The following DMD variants were observed in gnomAD, a reference collection of about 807,000 sequenced individuals.
The protein encoded by DMD is mutant dystrophin.
DMD carries 63 observed loss-of-function variants against 330.1 expected under a neutral mutation model. The ratio of observed to expected loss-of-function variants is 0.19; its 90% CI spans 0.16 to 0.24. The LOEUF (loss-of-function observed/expected upper bound fraction) is 0.24. DMD is among the 10% of genes least tolerant of loss of function. The pLI, the probability that DMD is intolerant of heterozygous loss-of-function variation, is 1.00. For synonymous variants in DMD, 1,223 were observed against 959.8 expected (o/e 1.27, Z -5.07); for missense variants, 3,344 against 2,684.1 (o/e 1.25, Z -5.43).
intron 44 of DMD, among the ~76,000 whole-genome samples, chrX:32,183,541 C>G (rs1205502762): frequency 1.1e-5 from 1 of 92,073 alleles, no homozygotes; most frequent in Non-Finnish European, 2.1e-5. Context: ...TACACACATG[C>G]ACAGCTACAC....
chrX:31,949,829 C>A (rs2095136797), intron 45 of DMD, among the ~76,000 whole-genome samples: 1 of 110,188 alleles, frequency 9.1e-6, no homozygotes, highest in Non-Finnish European at 1.9e-5. Flanking sequence ...ACATTCTAGT[C>A]TTTCTAATTT....
Position 31,920,746 on chromosome X carries a change from G to A in DMD, c.6912+8850C>T, listed in dbSNP as rs766162350. Among the ~76,000 whole-genome samples, 3 of 111,804 alleles carry A rather than the reference G, an allele frequency of 2.7e-5. No individual in the cohort carries two copies. The South Asian group carries it at 1.1e-3, about 42-fold the overall frequency. On this transcript the variant is annotated intron_variant, in intron 47 of 78. Transcript: ENST00000357033. ...TTTTAAATCCATCATGAACGGGGAG[G>A]AGAGATTGCTAAGAATAGTCGAATT...
chrX:31,161,789 C>G (rs756072936), intron 74 of DMD, among the ~76,000 whole-genome samples: 2 of 111,486 alleles, frequency 1.8e-5, no homozygotes, highest in East Asian at 2.8e-4. Flanking sequence ...ATCCTCCCCC[C>G]CGTCAAAAAG....
At chrX:32,070,851 A>G (rs180997894) in intron 44 of DMD, among the ~76,000 whole-genome samples, 1 of 110,968 alleles carries the variant, frequency 9.0e-6, no homozygotes, top group African/African-American at 3.3e-5. Flanking sequence ...GACAAAAGAT[A>G]ACATATATGG....
intron 12 of DMD, among the ~76,000 whole-genome samples, chrX:32,608,135 AAAT>A (rs1268723454): frequency 9.1e-6 from 1 of 110,357 alleles, no homozygotes; most frequent in Non-Finnish European, 1.9e-5. Context: ...CTAATAAAGT[AAAT>A]AATAATCTGA....
chrX:32,675,327 G>C (rs2061896590), intron 9 of DMD, among the ~76,000 whole-genome samples: 1 of 111,100 alleles, frequency 9.0e-6, no homozygotes, highest in African/African-American at 3.3e-5. Flanking sequence ...ACTCCTGAAA[G>C]AGATGGTAAT....
chrX:31,362,730 G>T (rs892545001), intron 60 of DMD, among the ~76,000 whole-genome samples: 16 of 112,925 alleles, frequency 1.4e-4, no homozygotes, highest in African/African-American at 5.1e-4. Flanking sequence ...GGATCACGAG[G>T]TCAGGAGATC....
intron 3 of DMD, among the ~76,000 whole-genome samples, chrX:32,845,754 C>A (rs144829645): frequency 8.9e-6 from 1 of 112,194 alleles, no homozygotes; most frequent in African/African-American, 3.2e-5. Context: ...ATTGTCAGCT[C>A]TGCTGTTTTT....
At chrX:31,230,952 A>T (rs1008252027) in intron 63 of DMD, among the ~76,000 whole-genome samples, 7 of 111,566 alleles carry the variant, frequency 6.3e-5, no homozygotes, top group Non-Finnish European at 1.1e-4. Flanking sequence ...TTTGTTGAGA[A>T]AGCAGTTTCT....
intron 1 of DMD, among the ~76,000 whole-genome samples, chrX:33,252,044 A>C: frequency 8.9e-6 from 1 of 112,294 alleles, no homozygotes; most frequent in Non-Finnish European, 1.9e-5. Flanking sequence ...ATGTTAGTAT[A>C]TAATCTCTGA....
chrX:32,953,060 A>G (rs985185271), intron 2 of DMD, among the ~76,000 whole-genome samples: 2 of 106,222 alleles, frequency 1.9e-5, no homozygotes, highest in African/African-American at 6.9e-5. Context: ...ACTTGAACCC[A>G]GGAGATGGAG....
At chrX:32,392,445 C>T (rs1021948169) in intron 30 of DMD, among the ~76,000 whole-genome samples, 3 of 110,499 alleles carry the variant, frequency 2.7e-5, no homozygotes, top group Non-Finnish European at 3.8e-5. Flanking sequence ...TTTTTAGTAG[C>T]GACAGGGTTT....
At chrX:31,231,558 G>A (rs952392649) in intron 63 of DMD, among the ~76,000 whole-genome samples, 6 of 112,323 alleles carry the variant, frequency 5.3e-5, no homozygotes, top group African/African-American at 1.9e-4. Context: ...ACTTTGCAGT[G>A]TAGCGAAGGA....
At chrX:32,615,820 T>C (rs1214649429) in intron 11 of DMD, among the ~76,000 whole-genome samples, 1 of 111,948 alleles carries the variant, frequency 8.9e-6, no homozygotes, top group Non-Finnish European at 1.9e-5. Context: ...CATCTTATGT[T>C]ATTATGGAAC....
chrX:32,281,643 A>AC (rs1388207526), intron 43 of DMD, among the ~76,000 whole-genome samples: 1 of 111,599 alleles, frequency 9.0e-6, no homozygotes, highest in African/African-American at 3.3e-5. Flanking sequence ...AAAGTGCCTA[A>AC]TTTTTTAGTT....
chrX:32,257,939 G>A (rs977555637), intron 43 of DMD, among the ~76,000 whole-genome samples: 7 of 106,590 alleles, frequency 6.6e-5, no homozygotes, highest in Admixed American at 2.0e-4. Context: ...GCTAATACCC[G>A]GAATCTATAA....
rs200393987 is a variant in DMD at position 31,902,442 on chromosome X, AT to A, written c.6913-27070del. Among the ~76,000 whole-genome samples, 391 of 111,775 alleles carry A rather than the reference AT, an allele frequency of 3.5e-3. 3 individuals are homozygous for A. The highest frequency in any genetic ancestry group is 9.5e-3 in the Admixed American group (99 of 10,457). On this transcript the variant is annotated intron_variant, in intron 47 of 78. Transcript: ENST00000357033. The stretch of plus-strand genomic sequence containing the variant: ...CAAAGAAAGACAAGATCCACCTCCT[AT>A]AACTTCTGTGACTCAAATGAGCTAA...
intron 73 of DMD, 40 bp downstream of exon 73, chrX:31,172,308 A>C: frequency 1.0e-6 from 1 of 994,958 alleles, no homozygotes; most frequent in East Asian, 3.1e-5. Flanking sequence ...AAGCAATTTC[A>C]TTGTCAGGAA....
At chrX:31,726,884 A>T (rs891971859) in intron 52 of DMD, among the ~76,000 whole-genome samples, 4 of 111,979 alleles carry the variant, frequency 3.6e-5, no homozygotes, top group Admixed American at 1.9e-4. Flanking sequence ...GCAAATATTC[A>T]TAAAGGTATT....
Sources: allele counts gnomAD v4.1 joint callset (sites outside exome capture counted in the v4.1 genomes callset), GRCh38; gene constraint gnomAD v4.1.1; transcripts MANE v1.5; gene names NCBI Gene and HGNC (gene_info 2026-07-23, HGNC 2026-07-21).